ATG5: variants seen among roughly 807,000 people sequenced by gnomAD.
The protein encoded by ATG5 is autophagy protein 5.
ATG5 carries 14 observed loss-of-function variants against 36.5 expected under a neutral mutation model. That is an observed-to-expected ratio of 0.38 (90% CI 0.25 to 0.60). ATG5 has a LOEUF of 0.60. Ranked by LOEUF, ATG5 falls within the 20% of genes least tolerant of loss-of-function variation. The pLI is 0.60. For missense variants in ATG5, 195 were observed against 326.7 expected (o/e 0.60, Z 3.11); for synonymous variants, 95 against 101.5 (o/e 0.94, Z 0.38).
At chr6:106,267,571 G>A (rs1779274536) in intron 5 of ATG5, among the ~76,000 whole-genome samples, 1 of 152,146 alleles carries the variant, frequency 6.6e-6, no homozygotes, top group African/African-American at 2.4e-5. Flanking sequence ...GAGGCATCAT[G>A]CTACCTGACT....
At chr6:106,275,523 A>G (rs1016018952) in intron 5 of ATG5, among the ~76,000 whole-genome samples, 1 of 152,210 alleles carries the variant, frequency 6.6e-6, no homozygotes, top group Non-Finnish European at 1.5e-5. Flanking sequence ...CAAAAACAAA[A>G]TGGAATAAAG....
intron 5 of ATG5, among the ~76,000 whole-genome samples, chr6:106,251,251 T>A (rs1778564027): frequency 6.6e-6 from 1 of 152,214 alleles, no homozygotes. Context: ...GCCAATGTAC[T>A]ACATACCAAC....
chr6:106,198,648 G>C (rs181191854), intron 7 of ATG5, among the ~76,000 whole-genome samples: 5 of 151,944 alleles, frequency 3.3e-5, no homozygotes, highest in Admixed American at 6.6e-5. Context: ...ATGGTGGCAG[G>C]CACCTGTAAT....
At chr6:106,292,248 A>T (rs905856114) in intron 4 of ATG5, among the ~76,000 whole-genome samples, 5 of 152,210 alleles carry the variant, frequency 3.3e-5, no homozygotes, top group South Asian at 2.1e-4. Context: ...TGGTGGAATC[A>T]TTGCTATTTG....
rs570525594 is a variant in ATG5, at chr6:106,224,370, G to A, written c.574-22281C>T. 3.3e-5 allele frequency among the ~76,000 whole-genome samples: 5 copies of A among 152,196 alleles called. No individual in the cohort carries two copies. The East Asian group carries it at 7.7e-4, about 23-fold the overall frequency. On this transcript the variant is annotated intron_variant, in intron 6 of 7. Coordinates refer to ENST00000369076, the MANE Select transcript of ATG5 (RefSeq NM_004849.4). ...CTAAATCAGTGCAAATGGCAAGAAG[G>A]GAATAAATGAAGACAGTTCTGGTCC...
chr6:106,281,068 A>T (rs1779860786), intron 4 of ATG5, among the ~76,000 whole-genome samples: 1 of 152,196 alleles, frequency 6.6e-6, no homozygotes, highest in African/African-American at 2.4e-5. Flanking sequence ...CCTGTCATGG[A>T]GCCTTCATAA....
chr6:106,211,432 C>T (rs970755724), intron 6 of ATG5, among the ~76,000 whole-genome samples: 3 of 152,240 alleles, frequency 2.0e-5, no homozygotes, highest in African/African-American at 7.2e-5. Context: ...TTGGACAGGC[C>T]GGGCGTGGTG....
At chr6:106,286,078 T>C (rs2114615119) in intron 4 of ATG5, among the ~76,000 whole-genome samples, 1 of 151,446 alleles carries the variant, frequency 6.6e-6, no homozygotes, top group East Asian at 1.9e-4. Context: ...CACTATCTAC[T>C]AGACCTTGCA....
chr6:106,233,649 A>G (rs1777776339), intron 6 of ATG5, among the ~76,000 whole-genome samples: 1 of 152,180 alleles, frequency 6.6e-6, no homozygotes, highest in African/African-American at 2.4e-5. Context: ...AAGCAGTTAA[A>G]ATAATACAAG....
intron 6 of ATG5, among the ~76,000 whole-genome samples, chr6:106,244,253 T>C (rs1170880165): frequency 6.6e-6 from 1 of 152,202 alleles, no homozygotes; most frequent in Non-Finnish European, 1.5e-5. Flanking sequence ...ATTTATAACC[T>C]TAAGAATAAC....
intron 1 of ATG5, among the ~76,000 whole-genome samples, chr6:106,316,853 T>C (rs1463179267): frequency 6.6e-6 from 1 of 152,200 alleles, no homozygotes; most frequent in Admixed American, 6.5e-5. Context: ...TTACTGTACT[T>C]CCTTTTGTAA....
chr6:106,204,975 A>G (rs147286577), intron 6 of ATG5, among the ~76,000 whole-genome samples: 94 of 152,362 alleles, frequency 6.2e-4, no homozygotes, highest in African/African-American at 2.2e-3. Flanking sequence ...AGGAGTTCAG[A>G]GAAGAAAAGA....
At chr6:106,281,030 C>T (rs2114604305) in intron 4 of ATG5, among the ~76,000 whole-genome samples, 1 of 152,224 alleles carries the variant, frequency 6.6e-6, no homozygotes, top group African/African-American at 2.4e-5. Flanking sequence ...ACTCCGGTTA[C>T]TGTATTCACA....
At chr6:106,320,205 T>C (rs1771007818) in intron 1 of ATG5, among the ~76,000 whole-genome samples, 1 of 152,184 alleles carries the variant, frequency 6.6e-6, no homozygotes, top group Admixed American at 6.5e-5. Flanking sequence ...CCATCATCCC[T>C]CCCAACTCCA....
intron 5 of ATG5, among the ~76,000 whole-genome samples, chr6:106,268,535 C>T (rs772826506): frequency 1.3e-5 from 2 of 152,108 alleles, no homozygotes; most frequent in Non-Finnish European, 2.9e-5. Context: ...AGTATATTCC[C>T]AAAGGATTAT....
chr6:106,233,914 C>T lies in ATG5; in HGVS notation c.573+14236G>A, dbSNP rs963075224. Among the ~76,000 whole-genome samples, 3 of 152,172 alleles carry T rather than the reference C, an allele frequency of 2.0e-5. No homozygotes were observed. The East Asian group carries it at 5.8e-4, about 29-fold the overall frequency. On this transcript the variant is annotated intron_variant, in intron 6 of 7. Transcript: ENST00000369076. Reference sequence around the variant, plus strand: ...TGCGGCTTCCCAGAAATATTGATGCCCCATCAAATAGGAGTTTACCTAAAG... The same window carrying T: ...TGCGGCTTCCCAGAAATATTGATGCTCCATCAAATAGGAGTTTACCTAAAG...
chr6:106,200,119 G>A (rs1440357473), intron 7 of ATG5, among the ~76,000 whole-genome samples: 1 of 152,076 alleles, frequency 6.6e-6, no homozygotes, highest in African/African-American at 2.4e-5. Context: ...GCTAGTATAA[G>A]CAAGCATACT....
intron 2 of ATG5, among the ~76,000 whole-genome samples, chr6:106,314,461 G>A (rs925488591): frequency 2.6e-5 from 4 of 152,142 alleles, no homozygotes; most frequent in Non-Finnish European, 5.9e-5. Context: ...GGAAGCTGAG[G>A]CATGAGAATC....
intron 6 of ATG5, among the ~76,000 whole-genome samples, chr6:106,221,989 T>A (rs1373609399): frequency 1.3e-5 from 2 of 151,290 alleles, no homozygotes; most frequent in Non-Finnish European, 2.9e-5. Context: ...CCTTCCAGGT[T>A]CAAGCAATCC....
Sources: gnomAD v4.1 joint callset for allele counts (sites outside exome capture counted in the v4.1 genomes callset) on GRCh38, gnomAD v4.1.1 for gene constraint, MANE v1.5 for transcripts, NCBI Gene and HGNC (gene_info 2026-07-23, HGNC 2026-07-21) for gene names.